The following APTX variants were observed in gnomAD, a reference collection of about 807,000 sequenced individuals.
The protein encoded by APTX is aprataxin, also known as forkhead-associated domain histidine triad-like protein.
A neutral mutation model predicts 42.3 loss-of-function variants in APTX; 33 were observed. The observed-to-expected ratio is 0.78, with a 90% CI of 0.59 to 1.04. The LOEUF is 1.04. APTX is among the 50% of genes least tolerant of loss of function. The probability of loss-of-function intolerance (pLI) is 0.00; values close to 1 mark genes in which losing one functional copy is unlikely to be tolerated. For synonymous variants in APTX, 130 were observed against 146.7 expected (o/e 0.89, Z 0.82); for missense variants, 421 against 415.1 (o/e 1.01, Z -0.12).
chr9:33,000,212 C>T (rs1467196911), intron 1 of APTX, among the ~76,000 whole-genome samples: 2 of 152,150 alleles, frequency 1.3e-5, no homozygotes, highest in Non-Finnish European at 2.9e-5. Context: ...GTCACAAGAG[C>T]TAAAGGACAA....
chr9:33,010,340 G>A (rs1010137133), intron 1 of APTX, among the ~76,000 whole-genome samples: 8 of 152,244 alleles, frequency 5.3e-5, no homozygotes, highest in East Asian at 3.9e-4. Context: ...ATTGGCTGGC[G>A]CATTCATTCA....
intron 1 of APTX, among the ~76,000 whole-genome samples, chr9:32,993,502 C>G (rs1235792442): frequency 6.6e-6 from 1 of 152,196 alleles, no homozygotes; most frequent in Admixed American, 6.5e-5. Context: ...ACTTGGCATA[C>G]AGCGGGCATA....
intron 1 of APTX, among the ~76,000 whole-genome samples, chr9:33,024,369 A>C (rs1032724106): frequency 1.3e-5 from 2 of 152,232 alleles, no homozygotes; most frequent in Non-Finnish European, 2.9e-5. Context: ...CTGGATAAAG[A>C]AGCGGACCCC....
chr9:33,014,614 C>G (rs1837767845), intron 1 of APTX, among the ~76,000 whole-genome samples: 2 of 152,250 alleles, frequency 1.3e-5, no homozygotes, highest in African/African-American at 4.8e-5. Flanking sequence ...AAAGGGGGCC[C>G]TTAAACTGGG....
chr9:32,973,791 T>C lies in APTX; in HGVS notation c.875-139A>G, dbSNP rs1300278986. 2.6e-6 allele frequency: 3 copies of C among 1,150,258 alleles called. No individual in the cohort carries two copies. In the East Asian group the frequency reaches 7.0e-5, roughly 27 times the overall value. 71.3% of individuals were successfully genotyped at this position (1,150,258 alleles called of 1,614,324 possible). A position where few individuals can be genotyped will look rare whatever the true frequency, so the allele number is the denominator to read the frequency against. ...TATTCTACAGCTCCGTAAGCTTAGT[T>C]TAGACTTCCCTCAGGCAAAATGAGC... On this transcript the variant is annotated intron_variant, in intron 7 of 7. Transcript: ENST00000379817.
chr9:33,023,585 T>G (rs1270671016), intron 1 of APTX, among the ~76,000 whole-genome samples: 1 of 152,228 alleles, frequency 6.6e-6, no homozygotes, highest in Non-Finnish European at 1.5e-5. Context: ...TAGACGTTTA[T>G]TAACGGTTGG....
At chr9:33,005,415 GTTTTA>G (rs954490612), upstream of APTX, among the ~76,000 whole-genome samples, 4 of 151,844 alleles carry the variant, frequency 2.6e-5, no homozygotes, top group African/African-American at 9.7e-5. Context: ...TTGAGGTGTG[GTTTTA>G]TTTTTTTGTT....
chr9:32,991,180 C>T (rs531350065), intron 1 of APTX, among the ~76,000 whole-genome samples: 81 of 152,276 alleles, frequency 5.3e-4, no homozygotes, highest in Non-Finnish European at 8.7e-4. Context: ...CCTGCCTCGG[C>T]CTCCCAAAGT....
intron 1 of APTX, chr9:33,019,794 A>G (rs11792940): frequency 0.1 from 62,703 of 613,832 alleles, 4,465 homozygotes; most frequent in Non-Finnish European, 0.14. Context: ...CGGAGCAGGC[A>G]ACAGTCTTCA....
Position 32,985,500 on chromosome 9 carries a change from A to C in APTX, c.543+471T>G, listed in dbSNP as rs557917453. Reference sequence around the variant, plus strand: ...CAGGCATGCACCACCATGCCCAGCTAATTTTTTGTATTTTTAGTAGAGACA... The same window carrying C: ...CAGGCATGCACCACCATGCCCAGCTCATTTTTTGTATTTTTAGTAGAGACA... On this transcript the variant is annotated intron_variant, in intron 5 of 7. Coordinates refer to ENST00000379817, the MANE Select transcript of APTX (RefSeq NM_001195248.2). 2.4e-4 allele frequency among the ~76,000 whole-genome samples: 36 copies of C among 151,720 alleles called. 1 individual carries two copies. Among genetic ancestry groups the C allele is most frequent in the Non-Finnish European group, 4.6e-4 (31 of 67,930 alleles).
rs1482140995 is a variant in APTX at position 32,977,075 on chromosome 9, A to T, written c.771-2514T>A. 3.3e-5 allele frequency among the ~76,000 whole-genome samples: 5 copies of T among 152,266 alleles called. 1 individual carries two copies. Among genetic ancestry groups the T allele is most frequent in the Non-Finnish European group, 7.3e-5 (5 of 68,050 alleles). ...ATGTAATTTCCATTTATGTATTAAC[A>T]GAGAATTTCTACTGCACATGTTTTA... On this transcript the variant is annotated intron_variant, in intron 6 of 7. Coordinates refer to ENST00000379817, the MANE Select transcript of APTX (RefSeq NM_001195248.2).
intron 6 of APTX, among the ~76,000 whole-genome samples, chr9:32,982,555 C>T (rs957402699): frequency 6.6e-5 from 10 of 152,146 alleles, no homozygotes; most frequent in African/African-American, 2.4e-4. Context: ...TTGTTTATCA[C>T]CTTTTCCTTT....
intron 1 of APTX, among the ~76,000 whole-genome samples, chr9:33,009,705 G>T (rs1190251136): frequency 1.3e-5 from 2 of 151,970 alleles, no homozygotes; most frequent in South Asian, 2.1e-4. Context: ...CTTGAGCCCA[G>T]AAGTCCAAGG....
rs112614410 is a variant in APTX at position 32,978,048 on chromosome 9, A to G, written c.771-3487T>C. Among the ~76,000 whole-genome samples the G allele has an allele frequency of 4.2e-3, 647 of 152,304 alleles. 3 individuals carry two copies. The highest frequency in any genetic ancestry group is 0.015 in the African/African-American group (619 of 41,564). ...TTTTTTGTTTTTTGAAAAGCATAAC[A>G]AATTTATTTAATCCAAGTTTTATGT... On this transcript the variant is annotated intron_variant, in intron 6 of 7. Transcript: ENST00000379817.
chr9:32,985,822 G>T, intron 5 of APTX, 149 bp downstream of exon 5: 1 of 787,962 alleles, frequency 1.3e-6, no homozygotes, highest in Non-Finnish European at 2.1e-6. Flanking sequence ...TTGCCAATGT[G>T]AAAAGCCTCT....
intron 6 of APTX, among the ~76,000 whole-genome samples, chr9:32,984,138 T>C (rs944551289): frequency 2.0e-5 from 3 of 152,174 alleles, no homozygotes; most frequent in African/African-American, 7.2e-5. Flanking sequence ...AATCAGTCAT[T>C]CCTTTCTGAA....
chr9:33,021,521 A>C (rs1276466029), intron 1 of APTX, among the ~76,000 whole-genome samples: 1 of 152,140 alleles, frequency 6.6e-6, no homozygotes, highest in Admixed American at 6.5e-5. Flanking sequence ...AGTGGAAATT[A>C]AGTATACATT....
chr9:32,977,511 G>C (rs1829707782), intron 6 of APTX, among the ~76,000 whole-genome samples: 1 of 150,230 alleles, frequency 6.7e-6, no homozygotes, highest in African/African-American at 2.5e-5. Flanking sequence ...AACAAAAAAT[G>C]AATAAAAAAA....
At chr9:32,989,975 C>T (rs989790949) in intron 1 of APTX, 80 bp from the exon 2 acceptor site, 24 of 1,526,112 alleles carry the variant, frequency 1.6e-5, no homozygotes, top group Admixed American at 5.8e-5. Context: ...GGTGCCACCA[C>T]GCATGTGATC....
Sources: allele counts gnomAD v4.1 joint callset (sites outside exome capture counted in the v4.1 genomes callset), GRCh38; gene constraint gnomAD v4.1.1; transcripts MANE v1.5; gene names NCBI Gene and HGNC (gene_info 2026-07-23, HGNC 2026-07-21).